The following UBE2G2 variants were observed in gnomAD, a reference collection of about 807,000 sequenced individuals.
UBE2G2 encodes ubiquitin conjugating enzyme E2 G2.
UBE2G2 carries 10 observed loss-of-function variants against 23.0 expected under a neutral mutation model. The ratio of observed to expected loss-of-function variants is 0.43; its 90% CI spans 0.27 to 0.74. The LOEUF is 0.74. UBE2G2 is among the 30% of genes least tolerant of loss of function. UBE2G2 has a pLI of 0.19. For missense variants in UBE2G2, 150 were observed against 218.3 expected (o/e 0.69, Z 1.97); for synonymous variants, 86 against 81.3 (o/e 1.06, Z -0.31).
In UBE2G2 at chr21:44,798,486, C is replaced by T. The variant is rs187010681; in HGVS notation, c.43+3220G>A. On this transcript the variant is annotated intron_variant, in intron 1 of 5. Transcript: ENST00000345496. ...CAAAACTGGAGTCAATACCCTCAAA[C>T]CCTGCGGCTGCTTTATCAACTAAAT... Among the ~76,000 whole-genome samples, 524 of 152,346 alleles carry T rather than the reference C, an allele frequency of 3.4e-3. 2 individuals carry two copies. Among genetic ancestry groups the T allele is most frequent in the African/African-American group, 0.012 (505 of 41,578 alleles).
intron 3 of UBE2G2, among the ~76,000 whole-genome samples, chr21:44,778,371 ACTCCCCG>A (rs1489329664): frequency 6.6e-6 from 1 of 152,038 alleles, no homozygotes; most frequent in African/African-American, 2.4e-5. Context: ...CATTGGAGCA[ACTCCCCG>A]TCATGGGCAC....
Position 44,797,343 on chromosome 21 carries a change from G to A in UBE2G2, c.43+4363C>T, listed in dbSNP as rs185654096. On this transcript the variant is annotated intron_variant, in intron 1 of 5. Transcript: ENST00000345496. ...ATGCAAATATCCTTAGAAAATGCAA[G>A]TTCAACAATGCAAAGACTGGCCTGA... Among the ~76,000 whole-genome samples the A allele has an allele frequency of 3.3e-5, 5 of 152,344 alleles. No individual in the cohort carries two copies. The East Asian group carries it at 9.6e-4, about 29-fold the overall frequency.
At chr21:44,794,546 T>TG (rs1417534740) in intron 1 of UBE2G2, among the ~76,000 whole-genome samples, 4 of 151,310 alleles carry the variant, frequency 2.6e-5, no homozygotes, top group South Asian at 4.1e-4. Flanking sequence ...TGTTTTTTTT[T>TG]TTTTTTGAGA....
At chr21:44,788,620 TTTTC>T (rs1233715082) in intron 1 of UBE2G2, among the ~76,000 whole-genome samples, 3 of 81,624 alleles carry the variant, frequency 3.7e-5, no homozygotes, top group Admixed American at 1.0e-4. Flanking sequence ...AAACATAGAC[TTTTC>T]TTTTTCTTTT....
chr21:44,784,596 A>G (rs2838684), intron 3 of UBE2G2, among the ~76,000 whole-genome samples: 15,888 of 152,154 alleles, frequency 0.1, 867 homozygotes, highest in African/African-American at 0.12. Context: ...GACAGTCTTC[A>G]GTCAACAAGA....
rs2082848328 is a variant in UBE2G2, at chr21:44,768,876, C to G, written c.*2501G>C. The G allele has an allele frequency of 6.6e-6, 1 of 152,192 alleles. No homozygotes were observed. The highest frequency in any genetic ancestry group is 2.1e-4 in the South Asian group (1 of 4,830). 9.4% of individuals were successfully genotyped at this position (152,192 alleles called of 1,614,324 possible). On this transcript the variant is annotated 3_prime_UTR_variant, in exon 6 of 6. Coordinates refer to ENST00000345496, the MANE Select transcript of UBE2G2 (RefSeq NM_003343.6). ...ACCTGAGAATTCCAGAGGAAGACCA[C>G]AGAATGACAGAAGGGAGATCAGAAA... is the stretch of plus-strand genomic sequence containing the variant.
chr21:44,780,155 G>A (rs1224537265), intron 3 of UBE2G2, among the ~76,000 whole-genome samples: 6 of 152,188 alleles, frequency 3.9e-5, no homozygotes, highest in African/African-American at 1.4e-4. Flanking sequence ...CCTGAAGTGC[G>A]CCCACATCTT....
At chr21:44,794,477 GA>G (rs1304556798) in intron 1 of UBE2G2, among the ~76,000 whole-genome samples, 2 of 150,946 alleles carry the variant, frequency 1.3e-5, no homozygotes, top group African/African-American at 2.4e-5. Flanking sequence ...ACAATAGCAA[GA>G]AATATTTTAA....
chr21:44,793,045 T>C (rs2083057674), intron 1 of UBE2G2, among the ~76,000 whole-genome samples: 1 of 152,206 alleles, frequency 6.6e-6, no homozygotes, highest in Non-Finnish European at 1.5e-5. Context: ...GTGGAGTAGA[T>C]CAGGAGAAAT....
chr21:44,775,910 T>A (rs1339355829), intron 4 of UBE2G2, among the ~76,000 whole-genome samples: 1 of 152,184 alleles, frequency 6.6e-6, no homozygotes, highest in African/African-American at 2.4e-5. Flanking sequence ...GCATGGCCAG[T>A]CTCCCTGAAA....
rs1261287554 is a variant in UBE2G2, at chr21:44,769,715, A to T, written c.*1662T>A. The T allele has an allele frequency of 1.3e-5, 2 of 152,196 alleles. No individual in the cohort carries two copies. The highest frequency in any genetic ancestry group is 2.9e-5 in the Non-Finnish European group (2 of 68,054). 9.4% of individuals were successfully genotyped at this position (152,196 alleles called of 1,614,324 possible). A position where few individuals can be genotyped will look rare whatever the true frequency, so the allele number is the denominator to read the frequency against. ...ATGAGCCCCTTGTGAGAAGGAAAAG[A>T]ATCTGCTGTCCACAGAAGCCAGGCG... On this transcript the variant is annotated 3_prime_UTR_variant, in exon 6 of 6. Coordinates refer to ENST00000345496, the MANE Select transcript of UBE2G2 (RefSeq NM_003343.6).
intron 4 of UBE2G2, 114 bp downstream of exon 4, chr21:44,777,185 G>T: frequency 1.1e-6 from 1 of 901,878 alleles, no homozygotes; most frequent in Non-Finnish European, 1.7e-6. Flanking sequence ...CATAAGAAGT[G>T]TTTTCTAAAG....
At chr21:44,778,328 GC>G (rs1421013479) in intron 3 of UBE2G2, among the ~76,000 whole-genome samples, 1 of 152,226 alleles carries the variant, frequency 6.6e-6, no homozygotes, top group Non-Finnish European at 1.5e-5. Flanking sequence ...GCACCTGCAG[GC>G]CCATGTGCTG....
At chr21:44,791,880 T>A (rs1283218610) in intron 1 of UBE2G2, among the ~76,000 whole-genome samples, 3 of 152,104 alleles carry the variant, frequency 2.0e-5, no homozygotes, top group Non-Finnish European at 4.4e-5. Context: ...GGCTGTACCC[T>A]ACAAAGCCAC....
chr21:44,781,426 C>A (rs1056202061), intron 3 of UBE2G2, among the ~76,000 whole-genome samples: 2 of 152,208 alleles, frequency 1.3e-5, no homozygotes, highest in South Asian at 2.1e-4. Context: ...CACTAATGCC[C>A]AGGACAGCAG....
chr21:44,791,519 T>G (rs1555962946), intron 1 of UBE2G2, among the ~76,000 whole-genome samples: 3 of 152,340 alleles, frequency 2.0e-5, no homozygotes, highest in East Asian at 3.9e-4. Context: ...CCTTGGCAGC[T>G]TCCACGTGGT....
rs116885599 is a variant in UBE2G2, at chr21:44,775,644, T to A, written c.244+1655A>T. Among the ~76,000 whole-genome samples the A allele has an allele frequency of 8.7e-3, 1,330 of 152,276 alleles. 15 individuals carry two copies. Among genetic ancestry groups the A allele is most frequent in the Non-Finnish European group, 0.013 (886 of 68,002 alleles). ...GTACATAGTCACATAAGGTAATCAGTTTATTGGTCATATTTGTCACTAATG... is the reference window on the plus strand; with the variant it reads ...GTACATAGTCACATAAGGTAATCAGATTATTGGTCATATTTGTCACTAATG... On this transcript the variant is annotated intron_variant, in intron 4 of 5. Transcript: ENST00000345496.
chr21:44,787,904 C>A lies in UBE2G2; in HGVS notation c.125+16G>T. 1.9e-6 allele frequency: 3 copies of A among 1,613,670 alleles called. No individual in the cohort carries two copies. Among genetic ancestry groups the A allele is most frequent in the Non-Finnish European group, 2.5e-6 (3 of 1,179,828 alleles). On this transcript the variant is annotated intron_variant, in intron 3 of 5. Transcript: ENST00000345496. ...CAGCAAAGCCCTAAAAACTAGTACA[C>A]CTAAAATTAACTTACATGATCAATG...
intron 4 of UBE2G2, chr21:44,774,869 T>C (rs1555960382): frequency 5.3e-6 from 2 of 374,318 alleles, no homozygotes; most frequent in African/African-American, 2.1e-5. Context: ...CCACAGCCCC[T>C]CCTTCACCAA....
Sources: gnomAD v4.1 joint callset for allele counts (sites outside exome capture counted in the v4.1 genomes callset) on GRCh38, gnomAD v4.1.1 for gene constraint, MANE v1.5 for transcripts, NCBI Gene and HGNC (gene_info 2026-07-23, HGNC 2026-07-21) for gene names.